The following CELF2 variants were observed in gnomAD, a reference collection of about 807,000 sequenced individuals.
CELF2 encodes the protein CUGBP Elav-like family member 2.
In CELF2, 8 loss-of-function variants were observed where a neutral mutation model predicts 62.6. The observed-to-expected ratio is 0.13, with a 90% CI of 0.07 to 0.23. CELF2 has a LOEUF of 0.23. Among genes scored for constraint, CELF2 ranks in the 10% least tolerant of loss-of-function variants. CELF2 has a pLI of 1.00. For missense variants in CELF2, 333 were observed against 671.0 expected (o/e 0.50, Z 5.56); for synonymous variants, 258 against 250.0 (o/e 1.03, Z -0.30).
intron 1 of CELF2, among the ~76,000 whole-genome samples, chr10:10,895,290 C>T (rs76453008): frequency 0.016 from 2,498 of 152,280 alleles, 65 homozygotes; most frequent in African/African-American, 0.055. Context: ...CCACCCTATA[C>T]ATTTTTTACC....
chr10:10,566,229 T>C, the CELF2 span, among the ~76,000 whole-genome samples: 1 of 151,840 alleles, frequency 6.6e-6, no homozygotes, highest in African/African-American at 2.4e-5. Flanking sequence ...CCATAATCTC[T>C]CTAGATGGGA....
At chr10:11,261,257 T>C (rs1590066419) in intron 5 of CELF2, among the ~76,000 whole-genome samples, 1 of 152,182 alleles carries the variant, frequency 6.6e-6, no homozygotes, top group African/African-American at 2.4e-5. Flanking sequence ...TGTCATTTCT[T>C]CCCTGCCACA....
Position 11,159,310 on chromosome 10 carries a change from C to G in CELF2, c.75-6176C>G, listed in dbSNP as rs576346852. On this transcript the variant is annotated intron_variant, in intron 1 of 12. Coordinates refer to ENST00000633077, the MANE Select transcript of CELF2 (RefSeq NM_001326342.2). This position sits in a 1 kb window ranked among gnomAD's most constrained non-coding sequence, Gnocchi z 5.0. ...AAGTTTTCAGCAGCCCTGGATGCCA[C>G]TACAGTTAAGACATAGCTGTGTCAG... is the stretch of plus-strand genomic sequence containing the variant. Among the ~76,000 whole-genome samples, 209 of 152,384 alleles carry G rather than the reference C, an allele frequency of 1.4e-3. 1 individual carries two copies. The highest frequency in any genetic ancestry group is 2.5e-3 in the Non-Finnish European group (171 of 68,044).
intron 4 of CELF2, among the ~76,000 whole-genome samples, chr10:11,251,691 A>AG (rs771437131): frequency 6.6e-6 from 1 of 152,162 alleles, no homozygotes; most frequent in Admixed American, 6.5e-5. Flanking sequence ...CAGCTGTGAG[A>AG]GGGGGCTACA....
intron 2 of CELF2, among the ~76,000 whole-genome samples, chr10:10,959,779 G>C (rs1364841013): frequency 6.6e-6 from 1 of 152,186 alleles, no homozygotes; most frequent in African/African-American, 2.4e-5. Context: ...ATACCCCACA[G>C]GAAATGACCT....
rs2075814544 is a variant in CELF2, at chr10:11,247,066, G to A, written c.355-2087G>A. Among the ~76,000 whole-genome samples the A allele has an allele frequency of 6.6e-6, 1 of 152,178 alleles. No homozygotes were observed. Among genetic ancestry groups the A allele is most frequent in the South Asian group, 2.1e-4 (1 of 4,826 alleles). On this transcript the variant is annotated intron_variant, in intron 3 of 12. Coordinates refer to ENST00000633077, the MANE Select transcript of CELF2 (RefSeq NM_001326342.2). This position sits in a 1 kb window ranked among gnomAD's most constrained non-coding sequence, Gnocchi z 5.4. ...GCCATGAAGTTCAGCCTCCACCAGT[G>A]TTCCCTGGCCTGCGGCAGCAGCCTC...
chr10:11,044,766 T>C (rs769506503), intron 1 of CELF2, among the ~76,000 whole-genome samples: 1 of 152,230 alleles, frequency 6.6e-6, no homozygotes, highest in Non-Finnish European at 1.5e-5. Flanking sequence ...ATCTCACTTA[T>C]ATATACATAG....
At position 11,243,972 on chromosome 10, in the gene CELF2, A is replaced by G. The variant is rs1251081788; in HGVS notation, c.355-5181A>G. Among the ~76,000 whole-genome samples the G allele has an allele frequency of 1.3e-5, 2 of 152,156 alleles. No homozygotes were observed. Among genetic ancestry groups the G allele is most frequent in the African/African-American group, 4.8e-5 (2 of 41,454 alleles). On this transcript the variant is annotated intron_variant, in intron 3 of 12. Coordinates refer to ENST00000633077, the MANE Select transcript of CELF2 (RefSeq NM_001326342.2). This position sits in a 1 kb window ranked among gnomAD's most constrained non-coding sequence, Gnocchi z 4.1. ...CCCTGACCCTAGCCACACAGTAGGT[A>G]GATTGAATTAGCGACCACCACATCA...
At chr10:10,561,957 A>G in the CELF2 span, among the ~76,000 whole-genome samples, 1 of 152,090 alleles carries the variant, frequency 6.6e-6, no homozygotes, top group Non-Finnish European at 1.5e-5. Flanking sequence ...TCTTCATAAG[A>G]CTGGCTAGAG....
chr10:10,734,415 A>T, the CELF2 span, among the ~76,000 whole-genome samples: 2 of 152,150 alleles, frequency 1.3e-5, no homozygotes, highest in Non-Finnish European at 2.9e-5. Context: ...GTCCATACAC[A>T]TCTGGTGCTG....
the CELF2 span, among the ~76,000 whole-genome samples, chr10:10,661,419 C>T: frequency 2.0e-5 from 3 of 152,200 alleles, no homozygotes; most frequent in Admixed American, 2.0e-4. Context: ...TGCTGATAGA[C>T]ACATCTGCGT....
intron 9 of CELF2, among the ~76,000 whole-genome samples, chr10:11,299,467 C>A (rs565444364): frequency 5.3e-5 from 8 of 152,302 alleles, no homozygotes; most frequent in Non-Finnish European, 8.8e-5. Context: ...CCCAACCCCC[C>A]CCAGGAAGGC....
At chr10:11,219,411 G>T (rs1472672150) in intron 3 of CELF2, among the ~76,000 whole-genome samples, 1 of 152,172 alleles carries the variant, frequency 6.6e-6, no homozygotes, top group Non-Finnish European at 1.5e-5. Flanking sequence ...TAGAATTCAG[G>T]GGAGGTGATG....
rs1371698926 is a variant in CELF2, at chr10:11,288,512, C to T, written c.936C>T (p.Leu312=). Residue 312 remains leucine, a synonymous_variant, in exon 9 of 13, where the codon CTC becomes CTT. Coordinates refer to ENST00000633077, the MANE Select transcript of CELF2 (RefSeq NM_001326342.2). ...CCACCAGCACCAATGCAAACCCTCT[C>T]TCTACCACGAGCAGCGCCCTGGGAG... is the stretch of plus-strand genomic sequence containing the variant. ...TSATSTNANP[L]STTSSALGAL... 1.2e-6 allele frequency: 2 copies of T among 1,613,858 alleles called. No individual in the cohort carries two copies. Among genetic ancestry groups the T allele is most frequent in the African/African-American group, 1.3e-5 (1 of 74,940 alleles).
intron 1 of CELF2, among the ~76,000 whole-genome samples, chr10:11,084,774 T>G (rs1190556069): frequency 6.6e-6 from 1 of 152,116 alleles, no homozygotes; most frequent in Non-Finnish European, 1.5e-5. Flanking sequence ...CACGGTCTCA[T>G]TTTCTAAGGT....
In CELF2 at chr10:11,156,188, G is replaced by C. The variant is rs2064346784; in HGVS notation, c.75-9298G>C. 6.6e-6 allele frequency among the ~76,000 whole-genome samples: 1 copy of C among 152,118 alleles called. No individual in the cohort carries two copies. Among genetic ancestry groups the C allele is most frequent in the Non-Finnish European group, 1.5e-5 (1 of 68,032 alleles). ...CAAGTGGACCCAGCGGGCATTTGGA[G>C]AAAAATAGGCATGACTCAGTAACTG... On this transcript the variant is annotated intron_variant, in intron 1 of 12. Transcript: ENST00000633077. This position sits in a 1 kb window ranked among gnomAD's most constrained non-coding sequence, Gnocchi z 4.3.
intron 1 of CELF2, among the ~76,000 whole-genome samples, chr10:11,045,579 A>G (rs1366536609): frequency 6.6e-6 from 1 of 152,236 alleles, no homozygotes; most frequent in Non-Finnish European, 1.5e-5. Context: ...GTTAACTGCA[A>G]TTATTACTAT....
Position 11,270,560 on chromosome 10 carries a change from C to A in CELF2, c.619-106C>A. On this transcript the variant is annotated intron_variant, in intron 6 of 12. Transcript: ENST00000633077. The surrounding 1 kb of genome is among the most constrained non-coding windows in gnomAD (Gnocchi z 5.8). The stretch of plus-strand genomic sequence containing the variant: ...CGTTTTAAACCATTTCAGCCCATTC[C>A]ATGTGCTCCAGGCTAGTGCAGAAAG... 2.1e-6 allele frequency: 2 copies of A among 968,374 alleles called. No homozygotes were observed. The highest frequency in any genetic ancestry group is 2.9e-6 in the Non-Finnish European group (2 of 701,348). The allele number at this position is 968,374 out of a possible 1,614,324, so 60.0% of individuals were successfully genotyped here. A position where few individuals can be genotyped will look rare whatever the true frequency, so the allele number is the denominator to read the frequency against.
Position 10,936,615 on chromosome 10 carries a change from T to G in CELF2, c.89+16616T>G, listed in dbSNP as rs2046419777. ...GGAACCCTTTTAACTGCTTTCTGGT[T>G]GTCTGTACCTTTTCTCGCCACTACT... On this transcript the variant is annotated intron_variant, in intron 2 of 13. Coordinates refer to the CELF2 transcript ENST00000636488. This position sits in a 1 kb window ranked among gnomAD's most constrained non-coding sequence, Gnocchi z 4.0. 6.6e-6 allele frequency: 1 copy of G among 152,242 alleles called. No homozygotes were observed. Among genetic ancestry groups the G allele is most frequent in the Non-Finnish European group, 1.5e-5 (1 of 68,046 alleles). 9.4% of individuals were successfully genotyped at this position (152,242 alleles called of 1,614,324 possible). A position where few individuals can be genotyped will look rare whatever the true frequency, so the allele number is the denominator to read the frequency against.
Sources: allele counts gnomAD v4.1 joint callset (sites outside exome capture counted in the v4.1 genomes callset), GRCh38; gene constraint gnomAD v4.1.1; non-coding constraint Gnocchi (gnomAD v3.1); transcripts MANE v1.5; gene names NCBI Gene and HGNC (gene_info 2026-07-23, HGNC 2026-07-21).